Variants in PDCD10 observed in about 807,000 individuals in gnomAD.
PDCD10 encodes the protein programmed cell death 10.
In PDCD10, 4 loss-of-function variants were observed where a neutral mutation model predicts 29.2. That is an observed-to-expected ratio of 0.14 (90% CI 0.07 to 0.31). PDCD10 has a LOEUF of 0.31. PDCD10 is among the 10% of genes least tolerant of loss of function. PDCD10 has a pLI of 1.00. For synonymous variants in PDCD10, 70 were observed against 82.2 expected (o/e 0.85, Z 0.80); for missense variants, 183 against 257.9 (o/e 0.71, Z 1.99).
chr3:167,705,224 A>G (rs561182127), intron 3 of PDCD10, among the ~76,000 whole-genome samples: 12 of 147,914 alleles, frequency 8.1e-5, no homozygotes, highest in African/African-American at 3.2e-4. Context: ...ACAGAATTTC[A>G]TAATTTCATA....
In PDCD10 at chr3:167,683,416, T is replaced by G. The variant is rs950761151; in HGVS notation, c.*892A>C. On this transcript the variant is annotated 3_prime_UTR_variant, in exon 9 of 9. Coordinates refer to ENST00000392750, the MANE Select transcript of PDCD10 (RefSeq NM_007217.4). ...AATAAAACTGTACCTAGTTGAAGAG[T>G]GTATATAATATTAACACTCATGACA... 1 of 151,876 alleles carries G rather than the reference T, an allele frequency of 6.6e-6. No individual in the cohort carries two copies. Among genetic ancestry groups the G allele is most frequent in the Non-Finnish European group, 1.5e-5 (1 of 67,920 alleles). 9.4% of individuals were successfully genotyped at this position (151,876 alleles called of 1,614,324 possible). A position where few individuals can be genotyped will look rare whatever the true frequency, so the allele number is the denominator to read the frequency against.
chr3:167,728,620 T>C (rs9817255), intron 2 of PDCD10, among the ~76,000 whole-genome samples: 34,782 of 152,162 alleles, frequency 0.23, 4,179 homozygotes, highest in Non-Finnish European at 0.26. Context: ...CTTAGTATAT[T>C]AGAAAGACTA....
chr3:167,714,720 G>A (rs528694904), intron 3 of PDCD10, among the ~76,000 whole-genome samples: 189 of 151,778 alleles, frequency 1.2e-3, no homozygotes, highest in Non-Finnish European at 2.2e-3. Flanking sequence ...TAATACCAAG[G>A]AATTAAGTTA....
chr3:167,713,112 G>A (rs564409753), intron 3 of PDCD10, among the ~76,000 whole-genome samples: 15 of 151,840 alleles, frequency 9.9e-5, no homozygotes, highest in Non-Finnish European at 1.9e-4. Context: ...AACCTAAACA[G>A]AATATTCCAT....
chr3:167,710,619 G>GAA (rs1722433664), intron 3 of PDCD10, among the ~76,000 whole-genome samples: 1 of 152,214 alleles, frequency 6.6e-6, no homozygotes, highest in Non-Finnish European at 1.5e-5. Context: ...TCTGGGGCCT[G>GAA]GGGAAATTAT....
chr3:167,707,724 A>G (rs901254093), intron 3 of PDCD10, among the ~76,000 whole-genome samples: 6 of 152,044 alleles, frequency 3.9e-5, no homozygotes, highest in South Asian at 2.1e-4. Flanking sequence ...CAGATTAAAC[A>G]CAATAAACTT....
chr3:167,715,408 G>C (rs2108469688), intron 3 of PDCD10, among the ~76,000 whole-genome samples: 1 of 151,794 alleles, frequency 6.6e-6, no homozygotes, highest in African/African-American at 2.4e-5. Context: ...AGGAAACATG[G>C]ACAAATAGCA....
At chr3:167,706,594 C>G (rs1225984790) in intron 3 of PDCD10, among the ~76,000 whole-genome samples, 1 of 152,196 alleles carries the variant, frequency 6.6e-6, no homozygotes, top group East Asian at 1.9e-4. Flanking sequence ...TTTAACATCA[C>G]TTGGTGAGAG....
chr3:167,683,515 A>G lies in PDCD10; in HGVS notation c.*793T>C, dbSNP rs889667605. ...TATTTTTTGGGAAAAAATTGTGCAA[A>G]GCTTATGAGGGCCCAGTATACGAAA... On this transcript the variant is annotated 3_prime_UTR_variant, in exon 9 of 9. Coordinates refer to ENST00000392750, the MANE Select transcript of PDCD10 (RefSeq NM_007217.4). 1 of 152,010 alleles carries G rather than the reference A, an allele frequency of 6.6e-6. No homozygotes were observed. The highest frequency in any genetic ancestry group is 1.5e-5 in the Non-Finnish European group (1 of 67,924). The allele number at this position is 152,010 out of a possible 1,614,324, so 9.4% of individuals were successfully genotyped here.
chr3:167,691,662 T>C (rs975097712), intron 6 of PDCD10, among the ~76,000 whole-genome samples: 22 of 152,208 alleles, frequency 1.4e-4, no homozygotes, highest in Admixed American at 6.5e-4. Flanking sequence ...TCAACCACAA[T>C]ACTGTTATCT....
intron 3 of PDCD10, among the ~76,000 whole-genome samples, chr3:167,705,829 GAA>G (rs1027917851): frequency 2.0e-5 from 3 of 151,950 alleles, no homozygotes; most frequent in East Asian, 1.9e-4. Context: ...TCCAAAAAAT[GAA>G]AAAAGTTTCC....
intron 3 of PDCD10, among the ~76,000 whole-genome samples, chr3:167,716,140 T>C (rs1212633562): frequency 6.6e-6 from 1 of 152,006 alleles, no homozygotes; most frequent in African/African-American, 2.4e-5. Flanking sequence ...CCAAGGTCAT[T>C]ATGTCAAGTG....
chr3:167,698,915 G>T (rs924099932), intron 4 of PDCD10, among the ~76,000 whole-genome samples: 17 of 152,076 alleles, frequency 1.1e-4, no homozygotes, highest in Non-Finnish European at 1.8e-4. Context: ...TCTCACAAAG[G>T]TCCCTAACTT....
chr3:167,724,030 T>G (rs1723846358), intron 2 of PDCD10, among the ~76,000 whole-genome samples: 1 of 152,186 alleles, frequency 6.6e-6, no homozygotes, highest in African/African-American at 2.4e-5. Context: ...CTCTTAAATC[T>G]TTGGTGTTTC....
At chr3:167,733,226 A>G (rs1724999239) in intron 2 of PDCD10, among the ~76,000 whole-genome samples, 2 of 152,248 alleles carry the variant, frequency 1.3e-5, no homozygotes, top group Admixed American at 6.5e-5. Context: ...GTTAAGAGTA[A>G]GCCATGATTT....
intron 2 of PDCD10, among the ~76,000 whole-genome samples, chr3:167,731,193 T>C (rs1457257932): frequency 6.6e-6 from 1 of 152,058 alleles, no homozygotes; most frequent in Non-Finnish European, 1.5e-5. Context: ...GAAATAAAGG[T>C]TTTTAGGGCA....
intron 2 of PDCD10, among the ~76,000 whole-genome samples, chr3:167,726,078 G>A (rs1724126497): frequency 7.0e-6 from 1 of 143,222 alleles, no homozygotes; most frequent in Admixed American, 7.0e-5. Context: ...ACTGCACCAT[G>A]TCAAGTGTAT....
intron 3 of PDCD10, among the ~76,000 whole-genome samples, 177 bp from the exon 4 acceptor site, chr3:167,705,072 T>C (rs538458014): frequency 5.5e-4 from 83 of 152,100 alleles, no homozygotes; most frequent in African/African-American, 2.0e-3. Flanking sequence ...AATGAAAAAA[T>C]ATATGTCCTT....
intron 3 of PDCD10, among the ~76,000 whole-genome samples, chr3:167,709,057 T>C (rs1722275675): frequency 6.6e-6 from 1 of 152,136 alleles, no homozygotes; most frequent in African/African-American, 2.4e-5. Flanking sequence ...CACTTCCTGA[T>C]GGTAGGATTG....
Sources: allele counts gnomAD v4.1 joint callset (sites outside exome capture counted in the v4.1 genomes callset), GRCh38; gene constraint gnomAD v4.1.1; transcripts MANE v1.5; gene names NCBI Gene and HGNC (gene_info 2026-07-23, HGNC 2026-07-21).